RAB18: variants seen among roughly 807,000 people sequenced by gnomAD.
RAB18 encodes ras-related protein Rab-18.
RAB18 carries 10 observed loss-of-function variants against 28.5 expected under a neutral mutation model. The ratio of observed to expected loss-of-function variants is 0.35; its 90% confidence interval spans 0.22 to 0.60. The LOEUF is 0.60. RAB18 is among the 20% of genes least tolerant of loss of function. The pLI is 0.78. For missense variants in RAB18, 188 were observed against 244.2 expected (o/e 0.77, Z 1.53); for synonymous variants, 93 against 86.9 (o/e 1.07, Z -0.39).
intron 2 of RAB18, among the ~76,000 whole-genome samples, chr10:27,513,038 T>G (rs71492555): frequency 1.4e-5 from 2 of 139,244 alleles, no homozygotes; most frequent in Non-Finnish European, 3.1e-5. Flanking sequence ...ATATATTTTT[T>G]TTTTTTTTTT....
intron 1 of RAB18, among the ~76,000 whole-genome samples, chr10:27,507,234 G>A (rs1252843254): frequency 6.1e-5 from 7 of 114,876 alleles, no homozygotes; most frequent in Non-Finnish European, 1.1e-4. Context: ...TGTTTAATCC[G>A]AATTAGTGGA....
intron 2 of RAB18, among the ~76,000 whole-genome samples, chr10:27,512,582 A>G (rs1204066059): frequency 6.6e-6 from 1 of 152,136 alleles, no homozygotes; most frequent in East Asian, 1.9e-4. Context: ...TTGAGATTAT[A>G]GGTGTGAGCC....
chr10:27,507,232 C>A (rs1408026502), intron 1 of RAB18, among the ~76,000 whole-genome samples: 9 of 129,086 alleles, frequency 7.0e-5, no homozygotes, highest in Non-Finnish European at 1.3e-4. Flanking sequence ...TATGTTTAAT[C>A]CGAATTAGTG....
intron 3 of RAB18, 192 bp downstream of exon 3, chr10:27,527,081 A>G: frequency 1.4e-6 from 1 of 710,194 alleles, no homozygotes; most frequent in East Asian, 2.8e-5. Flanking sequence ...TGTTTTGTTT[A>G]AATTTTCACA....
rs1277414139 is a variant in RAB18 at position 27,541,806 on chromosome 10, C to T, written c.*3755C>T. 1 of 452,754 alleles carries T rather than the reference C, an allele frequency of 2.2e-6. No individual in the cohort carries two copies. The highest frequency in any genetic ancestry group is 1.6e-5 in the South Asian group (1 of 64,406). 28.0% of individuals were successfully genotyped at this position (452,754 alleles called of 1,614,324 possible). ...CTGTGGCTGCCCGATCCAGCACCTACTTCCTTCTCCCACCATACCACCCCC... is the reference window on the plus strand; with the variant it reads ...CTGTGGCTGCCCGATCCAGCACCTATTTCCTTCTCCCACCATACCACCCCC... On this transcript the variant is annotated 3_prime_UTR_variant, in exon 7 of 7. Coordinates refer to ENST00000356940, the MANE Select transcript of RAB18 (RefSeq NM_021252.5).
At chr10:27,512,422 C>T (rs1392199555) in intron 2 of RAB18, among the ~76,000 whole-genome samples, 1 of 152,134 alleles carries the variant, frequency 6.6e-6, no homozygotes, top group African/African-American at 2.4e-5. Context: ...TCTGGTGCCT[C>T]AGCCTCCTGT....
intron 3 of RAB18, among the ~76,000 whole-genome samples, chr10:27,529,400 T>C (rs1175485542): frequency 6.6e-6 from 1 of 151,970 alleles, no homozygotes; most frequent in Non-Finnish European, 1.5e-5. Flanking sequence ...TCTTCTATAG[T>C]TTTATTTATA....
At chr10:27,527,270 A>T (rs894297968) in intron 3 of RAB18, among the ~76,000 whole-genome samples, 2 of 152,120 alleles carry the variant, frequency 1.3e-5, no homozygotes, top group African/African-American at 4.8e-5. Flanking sequence ...TTAGGAAAAA[A>T]TTTTATTTTT....
At chr10:27,537,649 T>G (rs1357115878) in intron 6 of RAB18, among the ~76,000 whole-genome samples, 1 of 152,234 alleles carries the variant, frequency 6.6e-6, no homozygotes, top group Non-Finnish European at 1.5e-5. Flanking sequence ...TATAAACCAG[T>G]GTTTTTTTGG....
chr10:27,508,778 C>T (rs1339072867), intron 1 of RAB18, among the ~76,000 whole-genome samples: 1 of 152,162 alleles, frequency 6.6e-6, no homozygotes, highest in Non-Finnish European at 1.5e-5. Context: ...TTATGTTTTG[C>T]AGAAACTCTA....
In RAB18 at chr10:27,504,419, G is replaced by A; in HGVS notation, c.50G>A (p.Ser17Asn). Residue 17 changes from serine to asparagine, a missense_variant, in exon 1 of 7, where the codon AGT becomes AAT. Transcript: ENST00000356940. ...TTLKILIIGE[S>N]GVGKSSLLLR... ...CTGAAGATCCTCATCATCGGCGAGAGTGGGGTGGGCAAGTCCAGGTGAGGC... is the reference window on the plus strand; with the variant it reads ...CTGAAGATCCTCATCATCGGCGAGAATGGGGTGGGCAAGTCCAGGTGAGGC... 1 of 1,569,340 alleles carries A rather than the reference G, an allele frequency of 6.4e-7. No homozygotes were observed. Among genetic ancestry groups the A allele is most frequent in the Non-Finnish European group, 8.6e-7 (1 of 1,156,756 alleles).
At chr10:27,528,510 G>T (rs988661614) in intron 3 of RAB18, among the ~76,000 whole-genome samples, 2 of 152,012 alleles carry the variant, frequency 1.3e-5, no homozygotes, top group South Asian at 4.1e-4. Context: ...AAAACAAAGG[G>T]ATTATATTAT....
At chr10:27,506,304 T>C (rs1441080063) in intron 1 of RAB18, among the ~76,000 whole-genome samples, 1 of 152,026 alleles carries the variant, frequency 6.6e-6, no homozygotes, top group Non-Finnish European at 1.5e-5. Context: ...CTGGAGTATA[T>C]AAACAAAATT....
At chr10:27,535,955 T>G (rs558962122) in intron 6 of RAB18, among the ~76,000 whole-genome samples, 1 of 151,840 alleles carries the variant, frequency 6.6e-6, no homozygotes, top group Non-Finnish European at 1.5e-5. Context: ...TGGTGGCGGG[T>G]GCCTGTAGTC....
rs981439113 is a variant in RAB18 at position 27,541,691 on chromosome 10, T to G, written c.*3640T>G. ...GAAGCAACAAATTACGTAGTTTTTT[T>G]TGTGTTTCTTTGATTACTAGTGAGC... is the stretch of plus-strand genomic sequence containing the variant. On this transcript the variant is annotated 3_prime_UTR_variant, in exon 7 of 7. Transcript: ENST00000356940. 2.0e-5 allele frequency: 9 copies of G among 449,080 alleles called. No individual in the cohort carries two copies. Among genetic ancestry groups the G allele is most frequent in the African/African-American group, 1.4e-4 (7 of 49,394 alleles). 27.8% of individuals were successfully genotyped at this position (449,080 alleles called of 1,614,324 possible). A position where few individuals can be genotyped will look rare whatever the true frequency, so the allele number is the denominator to read the frequency against.
intron 4 of RAB18, among the ~76,000 whole-genome samples, chr10:27,533,123 A>C (rs1834821416): frequency 6.6e-6 from 1 of 152,012 alleles, no homozygotes; most frequent in Non-Finnish European, 1.5e-5. Flanking sequence ...AATAGGTAGA[A>C]TTCTCTTTTT....
intron 2 of RAB18, among the ~76,000 whole-genome samples, chr10:27,521,869 A>G (rs1433049626): frequency 2.0e-5 from 3 of 151,902 alleles, no homozygotes; most frequent in South Asian, 2.1e-4. Flanking sequence ...AGGATAAAGT[A>G]TATGGGAGGA....
chr10:27,519,627 G>T (rs1589571320), intron 2 of RAB18, among the ~76,000 whole-genome samples: 2 of 152,150 alleles, frequency 1.3e-5, no homozygotes, highest in Admixed American at 1.3e-4. Context: ...ATTTGTCAAA[G>T]ACCTGTAATA....
chr10:27,536,845 G>A (rs1002394803), intron 6 of RAB18, among the ~76,000 whole-genome samples: 4 of 152,198 alleles, frequency 2.6e-5, no homozygotes, highest in Non-Finnish European at 4.4e-5. Context: ...GGGAATGAAA[G>A]CCTAATTAGA....
Sources: gnomAD v4.1 joint callset for allele counts (sites outside exome capture counted in the v4.1 genomes callset) on GRCh38, gnomAD v4.1.1 for gene constraint, MANE v1.5 for transcripts, NCBI Gene and HGNC (gene_info 2026-07-23, HGNC 2026-07-21) for gene names.